The following RYR3 variants were observed in gnomAD, a reference collection of about 807,000 sequenced individuals.
The protein encoded by RYR3 is brain ryanodine receptor-calcium release channel.
RYR3 carries 207 observed loss-of-function variants against 584.3 expected under a neutral mutation model. The ratio of observed to expected loss-of-function variants is 0.35; its 90% confidence interval spans 0.32 to 0.40. The LOEUF is 0.40. RYR3 is among the 10% of genes least tolerant of loss of function. The pLI, the probability that RYR3 is intolerant of heterozygous loss-of-function variation, is 1.00. For missense variants in RYR3, 5,616 were observed against 6,089.2 expected (o/e 0.92, Z 2.59); for synonymous variants, 2,416 against 2,248.5 (o/e 1.07, Z -2.11).
intron 55 of RYR3, among the ~76,000 whole-genome samples, chr15:33,748,879 C>T (rs183727508): frequency 2.0e-5 from 3 of 152,242 alleles, no homozygotes; most frequent in Admixed American, 1.3e-4. Context: ...TATAAAATGG[C>T]ATAGTTTTAC....
chr15:33,826,130 G>C (rs1486053039), intron 82 of RYR3, 122 bp from the exon 83 acceptor site: 47 of 925,260 alleles, frequency 5.1e-5, no homozygotes, highest in East Asian at 3.9e-4. Context: ...TCCATCGGTA[G>C]CTTTAATAAA....
intron 77 of RYR3, among the ~76,000 whole-genome samples, chr15:33,820,408 C>A (rs2043054): frequency 6.6e-6 from 1 of 152,010 alleles, no homozygotes; most frequent in African/African-American, 2.4e-5. Flanking sequence ...GCCCTTGGGG[C>A]TGTATCTAGG....
Position 33,633,041 on chromosome 15 carries a change from C to T in RYR3, c.2960C>T (p.Ala987Val), listed in dbSNP as rs1274052095. 1 of 1,613,820 alleles carries T rather than the reference C, an allele frequency of 6.2e-7. No individual in the cohort carries two copies. The highest frequency in any genetic ancestry group is 1.3e-5 in the African/African-American group (1 of 74,908). ...CAAGAAATTTTAGTGGATAAGCTTG[C>T]AGAAAATGCACACAATGTTTGGGCA... ...PPQEILVDKL[A>V]ENAHNVWAKD... Residue 987 changes from alanine to valine, a missense_variant, in exon 24 of 104, where the codon GCA (alanine) becomes GTA (valine). Physicochemically the swap from Ala to Val is moderately conservative, Grantham distance 64 (BLOSUM62 0). Coordinates refer to ENST00000634891, the MANE Select transcript of RYR3 (RefSeq NM_001036.6).
At chr15:33,809,722 G>C (rs972934359) in intron 70 of RYR3, among the ~76,000 whole-genome samples, 1 of 150,850 alleles carries the variant, frequency 6.6e-6, no homozygotes, top group Non-Finnish European at 1.5e-5. Flanking sequence ...TGCAACCTCT[G>C]TCTCATGGGT....
chr15:33,681,158 T>G (rs1444189857), intron 38 of RYR3, among the ~76,000 whole-genome samples: 1 of 152,250 alleles, frequency 6.6e-6, no homozygotes, highest in Admixed American at 6.5e-5. Context: ...GGTCCCAGTT[T>G]CTGTGGGCAC....
intron 10 of RYR3, among the ~76,000 whole-genome samples, chr15:33,555,049 T>G (rs1272355366): frequency 6.6e-6 from 1 of 152,234 alleles, no homozygotes; most frequent in Non-Finnish European, 1.5e-5. Context: ...GGTATAGAGC[T>G]ATCACTGTTC....
At chr15:33,596,418 TA>T (rs2059371603) in intron 16 of RYR3, among the ~76,000 whole-genome samples, 1 of 149,588 alleles carries the variant, frequency 6.7e-6, no homozygotes, top group Non-Finnish European at 1.5e-5. Context: ...TTTAAAGTTA[TA>T]AAACTGCCGT....
At chr15:33,630,759 T>C (rs1040898852) in intron 22 of RYR3, among the ~76,000 whole-genome samples, 2 of 152,214 alleles carry the variant, frequency 1.3e-5, no homozygotes, top group African/African-American at 4.8e-5. Flanking sequence ...TAGAATTCTA[T>C]CTGTTCCATG....
At chr15:33,779,167 C>T (rs757175388) in intron 64 of RYR3, among the ~76,000 whole-genome samples, 2 of 152,172 alleles carry the variant, frequency 1.3e-5, no homozygotes, top group Non-Finnish European at 2.9e-5. Flanking sequence ...CAGATTCTAT[C>T]ATAGTCTTGT....
At chr15:33,529,303 T>C (rs2054649937) in intron 3 of RYR3, among the ~76,000 whole-genome samples, 1 of 152,238 alleles carries the variant, frequency 6.6e-6, no homozygotes, top group African/African-American at 2.4e-5. Context: ...TTTATCTTTT[T>C]TCTCTTCTTT....
intron 3 of RYR3, among the ~76,000 whole-genome samples, chr15:33,505,680 G>C (rs1380416397): frequency 1.3e-5 from 2 of 152,178 alleles, no homozygotes; most frequent in Non-Finnish European, 2.9e-5. Context: ...TTTTAGTAGA[G>C]ATGGGGTTTC....
rs753067189 is a variant in RYR3, at chr15:33,819,787, T to C, written c.10738T>C (p.Tyr3580His). The change falls in exon 77 of 104, where the codon TAT (tyrosine) becomes CAT (histidine). Residue 3580 changes from tyrosine (Y) to histidine (H), a missense_variant. Tyr to His is a moderately conservative substitution (Grantham distance 83, BLOSUM62 2). Around this residue, in one of 9 missense-constraint regions of RYR3, gnomAD observed 954 missense variants for 1,132.2 expected, o/e 0.84. Transcript: ENST00000634891. ...KLEDDPLYTSYSSMMAKSCQS... is the reference protein window; with the variant it reads ...KLEDDPLYTSHSSMMAKSCQS... ...GGAAGACGACCCTTTGTACACCTCC[T>C]ATTCCAGCATGATGGCCAAGGTACA... is the stretch of plus-strand genomic sequence containing the variant. 1.3e-6 allele frequency: 2 copies of C among 1,588,402 alleles called. No homozygotes were observed.
At chr15:33,470,766 A>G (rs2676098) in intron 1 of RYR3, among the ~76,000 whole-genome samples, 94,749 of 152,064 alleles carry the variant, frequency 0.62, 30,141 homozygotes, top group African/African-American at 0.76. Flanking sequence ...ATTTGGCATC[A>G]GGACATGTGA....
intron 38 of RYR3, among the ~76,000 whole-genome samples, chr15:33,682,803 T>C (rs1001136051): frequency 6.6e-6 from 1 of 152,148 alleles, no homozygotes; most frequent in African/African-American, 2.4e-5. Context: ...ATAAAAATCC[T>C]AGAGATGCAA....
At chr15:33,590,008 G>C (rs1319244935) in intron 16 of RYR3, among the ~76,000 whole-genome samples, 2 of 152,126 alleles carry the variant, frequency 1.3e-5, no homozygotes, top group Non-Finnish European at 2.9e-5. Flanking sequence ...TCAGTGAAGA[G>C]AGATAGGGGT....
intron 50 of RYR3, 61 bp downstream of exon 50, chr15:33,738,651 A>ACGGCTGTTATTATCTG: frequency 6.3e-7 from 1 of 1,585,276 alleles, no homozygotes; most frequent in Non-Finnish European, 8.6e-7. Context: ...TCTACAGATA[A>ACGGCTGTTATTATCTG]TAACAGCCGT....
At chr15:33,324,863 C>T (rs1024124) in intron 1 of RYR3, among the ~76,000 whole-genome samples, 79,047 of 152,062 alleles carry the variant, frequency 0.52, 22,830 homozygotes, top group African/African-American at 0.79. Context: ...GAATGATCCA[C>T]TGGGGATCTG....
intron 16 of RYR3, among the ~76,000 whole-genome samples, chr15:33,592,263 G>A (rs1263191346): frequency 1.3e-5 from 2 of 152,206 alleles, no homozygotes; most frequent in African/African-American, 2.4e-5. Flanking sequence ...TCCCCTAAGG[G>A]CAGAGCCTCA....
chr15:33,818,830 A>T (rs1411320323), intron 76 of RYR3, 146 bp downstream of exon 76: 3 of 648,116 alleles, frequency 4.6e-6, no homozygotes, highest in Non-Finnish European at 8.0e-6. Context: ...GGCCATCAAG[A>T]TATGTCTAGG....
Sources: allele counts gnomAD v4.1 joint callset (sites outside exome capture counted in the v4.1 genomes callset), GRCh38; gene constraint gnomAD v4.1.1; regional missense constraint gnomAD v4.1.1; transcripts MANE v1.5; gene names NCBI Gene and HGNC (gene_info 2026-07-23, HGNC 2026-07-21).